FER: variants seen among roughly 807,000 people sequenced by gnomAD.
The protein encoded by FER is FER tyrosine kinase, also known as tyrosine-protein kinase Fer.
A neutral mutation model predicts 111.0 loss-of-function variants in FER; 63 were observed. That is an observed-to-expected ratio of 0.57 (90% CI 0.46 to 0.70). The LOEUF is 0.70. Among genes scored for constraint, FER ranks in the 30% least tolerant of loss-of-function variants. The pLI is 0.00. For synonymous variants in FER, 327 were observed against 313.9 expected, an observed-to-expected ratio of 1.04 and a Z score of -0.44; for missense variants, 914 against 954.0, an observed-to-expected ratio of 0.96 and a Z score of 0.55.
chr5:108,874,328 T>C (rs961990102), intron 8 of FER, among the ~76,000 whole-genome samples: 13 of 152,264 alleles, frequency 8.5e-5, no homozygotes, highest in African/African-American at 3.1e-4. Flanking sequence ...TTCTTAATTA[T>C]AGTGATGAAG....
At chr5:108,926,847 G>A (rs192866740) in intron 10 of FER, among the ~76,000 whole-genome samples, 57 of 151,980 alleles carry the variant, frequency 3.8e-4, no homozygotes, top group African/African-American at 1.1e-3. Context: ...TTATATTCTG[G>A]TATTATTTAT....
At chr5:108,951,211 C>T (rs180913071) in intron 11 of FER, among the ~76,000 whole-genome samples, 65 of 152,108 alleles carry the variant, frequency 4.3e-4, no homozygotes, top group African/African-American at 1.5e-3. Context: ...TTGCAGTGAG[C>T]GGAGATGACG....
intron 13 of FER, 87 bp from the exon 14 acceptor site, chr5:109,037,335 T>G: frequency 9.5e-7 from 1 of 1,050,484 alleles, no homozygotes; most frequent in Non-Finnish European, 1.5e-6. Context: ...AAATATCCCT[T>G]TAGGTCGACT....
At chr5:108,988,313 T>C (rs1762802524) in intron 13 of FER, among the ~76,000 whole-genome samples, 1 of 151,482 alleles carries the variant, frequency 6.6e-6, no homozygotes, top group Admixed American at 6.6e-5. Flanking sequence ...CATAGAATGA[T>C]TTAGGGAGTA....
intron 13 of FER, among the ~76,000 whole-genome samples, chr5:108,967,291 C>T (rs562336504): frequency 6.6e-6 from 1 of 152,232 alleles, no homozygotes; most frequent in South Asian, 2.1e-4. Flanking sequence ...CGGCTCTCAG[C>T]AGAGAGGGGA....
intron 16 of FER, among the ~76,000 whole-genome samples, chr5:109,072,620 C>A (rs1775897529): frequency 6.6e-6 from 1 of 151,946 alleles, no homozygotes; most frequent in Admixed American, 6.6e-5. Context: ...AGCTATGTTT[C>A]TCTTTCCACA....
In FER at chr5:109,190,551, A is replaced by T. The variant is rs1019065660; in HGVS notation, c.*2976A>T. ...TGTTAAATTAACATTTATTACCAACATGTGAAACCTAAAATTAATTTTGCA... is the reference window on the plus strand; with the variant it reads ...TGTTAAATTAACATTTATTACCAACTTGTGAAACCTAAAATTAATTTTGCA... On this transcript the variant is annotated 3_prime_UTR_variant, in exon 20 of 20. Coordinates refer to ENST00000281092, the MANE Select transcript of FER (RefSeq NM_005246.4). 6.6e-6 allele frequency: 1 copy of T among 152,184 alleles called. No homozygotes were observed. The highest frequency in any genetic ancestry group is 1.5e-5 in the Non-Finnish European group (1 of 68,016). The allele number at this position is 152,184 out of a possible 1,614,324, so 9.4% of individuals were successfully genotyped here.
intron 13 of FER, among the ~76,000 whole-genome samples, chr5:108,976,826 A>C (rs1241384863): frequency 1.4e-4 from 22 of 152,208 alleles, no homozygotes; most frequent in Non-Finnish European, 2.9e-5. Context: ...GTGGGCATCT[A>C]TAGCTTCAGA....
intron 13 of FER, among the ~76,000 whole-genome samples, chr5:108,974,879 T>G (rs1761131997): frequency 6.6e-6 from 1 of 152,196 alleles, no homozygotes; most frequent in African/African-American, 2.4e-5. Flanking sequence ...CATTATGATT[T>G]TAGCCCCAAG....
chr5:108,831,455 G>C (rs1273202845), intron 3 of FER, among the ~76,000 whole-genome samples: 1 of 151,946 alleles, frequency 6.6e-6, no homozygotes, highest in Non-Finnish European at 1.5e-5. Context: ...TTAAAGTAAG[G>C]ACTACATTAG....
In FER at chr5:108,884,040, CTTCTT is replaced by C. The variant is rs1765934451; in HGVS notation, c.1046+525_1046+529del. 2.0e-5 allele frequency among the ~76,000 whole-genome samples: 3 copies of C among 152,114 alleles called. No individual in the cohort carries two copies. In the East Asian group the frequency reaches 5.8e-4, roughly 29 times the overall value. Reference sequence around the variant, plus strand: ...CAGACTTTACTTGTGTTGGTATACTCTTCTTTTACTGACTTCATTATGCTTTCTAC... The same window carrying C: ...CAGACTTTACTTGTGTTGGTATACTCTTACTGACTTCATTATGCTTTCTAC... On this transcript the variant is annotated intron_variant, in intron 9 of 19. Coordinates refer to ENST00000281092, the MANE Select transcript of FER (RefSeq NM_005246.4).
At chr5:109,040,795 A>G (rs749498116) in intron 14 of FER, among the ~76,000 whole-genome samples, 2 of 152,140 alleles carry the variant, frequency 1.3e-5, no homozygotes, top group Non-Finnish European at 2.9e-5. Context: ...TTCATCATTT[A>G]AGAGAGAGGG....
chr5:108,924,794 G>A, intron 10 of FER: 1 of 1,231,972 alleles, frequency 8.1e-7, no homozygotes, highest in East Asian at 3.2e-5. Context: ...GATCAGGTAA[G>A]GAGAAGTTCT....
At chr5:108,871,947 C>A in intron 7 of FER, 146 bp from the exon 8 acceptor site, 1 of 799,258 alleles carries the variant, frequency 1.3e-6, no homozygotes, top group South Asian at 2.2e-5. Context: ...ATTTTGAAAC[C>A]CAGGATTTAG....
intron 4 of FER, among the ~76,000 whole-genome samples, chr5:108,833,749 C>T (rs1393996906): frequency 6.6e-6 from 1 of 151,914 alleles, no homozygotes; most frequent in Non-Finnish European, 1.5e-5. Context: ...TGGCGGGCGC[C>T]TGTAGTCCCA....
At chr5:108,798,410 CTT>C (rs746567349) in intron 3 of FER, 21 bp downstream of exon 3, 10 of 1,562,328 alleles carry the variant, frequency 6.4e-6, no homozygotes, top group South Asian at 5.6e-5. Context: ...TAATTTCACT[CTT>C]TGTTATTTAT....
At chr5:108,754,703 C>G (rs1750891038) in intron 1 of FER, among the ~76,000 whole-genome samples, 1 of 152,080 alleles carries the variant, frequency 6.6e-6, no homozygotes, top group Non-Finnish European at 1.5e-5. Context: ...AATTGTTGTA[C>G]AAAAATTGAA....
intron 13 of FER, among the ~76,000 whole-genome samples, chr5:109,015,778 A>G (rs189160894): frequency 1.0e-3 from 159 of 152,138 alleles, no homozygotes; most frequent in Middle Eastern, 3.4e-3. Flanking sequence ...CCTTTTTTCA[A>G]CTTAAATTTT....
intron 5 of FER, among the ~76,000 whole-genome samples, chr5:108,866,474 TAC>T (rs1764075914): frequency 6.6e-6 from 1 of 151,998 alleles, no homozygotes; most frequent in Non-Finnish European, 1.5e-5. Context: ...TTAGGAGATA[TAC>T]CTAATGTTAA....
Sources: gnomAD v4.1 joint callset for allele counts (sites outside exome capture counted in the v4.1 genomes callset) on GRCh38, gnomAD v4.1.1 for gene constraint, MANE v1.5 for transcripts, NCBI Gene and HGNC (gene_info 2026-07-23, HGNC 2026-07-21) for gene names.